Variants in DNAJC25 observed in about 807,000 individuals in gnomAD.
DNAJC25 encodes the protein DnaJ heat shock protein family (Hsp40) member C25, also known as dnaJ homolog subfamily C member 25.
In DNAJC25, 26 loss-of-function variants were observed where a neutral mutation model predicts 42.1. The observed-to-expected ratio is 0.62, with a 90% CI of 0.45 to 0.86. The LOEUF (loss-of-function observed/expected upper bound fraction) is 0.86. DNAJC25 is among the 40% of genes least tolerant of loss of function. The probability of loss-of-function intolerance (pLI) is 0.00; values close to 1 mark genes in which losing one functional copy is unlikely to be tolerated. For synonymous variants in DNAJC25, 189 were observed against 179.9 expected (o/e 1.05, Z -0.40); for missense variants, 404 against 459.4 (o/e 0.88, Z 1.10).
chr9:111,639,989 C>T (rs538041041), intron 1 of DNAJC25, among the ~76,000 whole-genome samples: 3 of 150,236 alleles, frequency 2.0e-5, no homozygotes, highest in African/African-American at 7.4e-5. Flanking sequence ...CATGCGGAGC[C>T]GAAGCTGGAC....
chr9:111,638,172 A>G (rs968506100), intron 1 of DNAJC25, among the ~76,000 whole-genome samples: 1 of 152,258 alleles, frequency 6.6e-6, no homozygotes, highest in Non-Finnish European at 1.5e-5. Context: ...TCTCACAAAT[A>G]CAGAATGAAC....
intron 1 of DNAJC25, among the ~76,000 whole-genome samples, chr9:111,641,322 C>G (rs1234555410): frequency 1.7e-4 from 24 of 144,550 alleles, no homozygotes; most frequent in African/African-American, 5.9e-4. Context: ...AGCCCCTCTG[C>G]CCGGCCAGCC....
intron 1 of DNAJC25, among the ~76,000 whole-genome samples, chr9:111,643,664 G>A (rs1300529715): frequency 6.6e-6 from 1 of 152,052 alleles, no homozygotes; most frequent in East Asian, 1.9e-4. Context: ...GGTAAGTTTG[G>A]ACCAGTTGTG....
chr9:111,652,803 T>TC (rs941887927), intron 3 of DNAJC25, among the ~76,000 whole-genome samples: 1 of 152,056 alleles, frequency 6.6e-6, no homozygotes, highest in African/African-American at 2.4e-5. Flanking sequence ...CGCCTTGGCC[T>TC]CCCAATGTGC....
chr9:111,633,919 A>G (rs1830326528), intron 1 of DNAJC25, among the ~76,000 whole-genome samples: 2 of 152,218 alleles, frequency 1.3e-5, no homozygotes, highest in South Asian at 4.1e-4. Context: ...AAAGACCAGT[A>G]TGTCTGGAGT....
chr9:111,651,614 C>T (rs1411364929), intron 3 of DNAJC25, among the ~76,000 whole-genome samples: 1 of 151,974 alleles, frequency 6.6e-6, no homozygotes. Context: ...AGGCTAGGTG[C>T]GGTGGCTCAT....
intron 1 of DNAJC25, among the ~76,000 whole-genome samples, chr9:111,633,914 C>T (rs1211655027): frequency 6.6e-6 from 1 of 152,156 alleles, no homozygotes; most frequent in Admixed American, 6.5e-5. Context: ...CAGTTAAAGA[C>T]CAGTATGTCT....
intron 1 of DNAJC25, among the ~76,000 whole-genome samples, chr9:111,645,875 C>T (rs951887890): frequency 4.6e-5 from 7 of 152,150 alleles, no homozygotes; most frequent in African/African-American, 1.7e-4. Context: ...TGATTTCCCA[C>T]CTGGGGAACA....
intron 1 of DNAJC25, among the ~76,000 whole-genome samples, chr9:111,639,327 A>T (rs1830410046): frequency 1.3e-5 from 2 of 152,270 alleles, no homozygotes; most frequent in Admixed American, 6.5e-5. Context: ...TGCTGATAGT[A>T]TTAACTGATA....
intron 1 of DNAJC25, among the ~76,000 whole-genome samples, chr9:111,641,593 C>CT (rs1830467899): frequency 1.6e-5 from 2 of 128,860 alleles, no homozygotes; most frequent in South Asian, 2.4e-4. Flanking sequence ...GTCGGCCCCC[C>CT]GCCCGGCCAG....
At chr9:111,634,416 C>CA (rs1830334173) in intron 1 of DNAJC25, among the ~76,000 whole-genome samples, 1 of 152,222 alleles carries the variant, frequency 6.6e-6, no homozygotes, top group Admixed American at 6.5e-5. Context: ...TGGAGGGCTT[C>CA]AGCCTTGCAC....
intron 3 of DNAJC25, among the ~76,000 whole-genome samples, chr9:111,651,005 A>G (rs1161888302): frequency 1.3e-5 from 2 of 152,090 alleles, no homozygotes; most frequent in African/African-American, 4.8e-5. Flanking sequence ...GGTGGCTCAC[A>G]CTTGTAATCC....
At chr9:111,644,237 G>A (rs916297990) in intron 1 of DNAJC25, among the ~76,000 whole-genome samples, 10 of 152,206 alleles carry the variant, frequency 6.6e-5, no homozygotes, top group Admixed American at 6.5e-4. Context: ...CAGGAATTTG[G>A]TAGTTTGAGG....
At chr9:111,637,193 A>G (rs1465302531) in intron 1 of DNAJC25, among the ~76,000 whole-genome samples, 2 of 152,126 alleles carry the variant, frequency 1.3e-5, no homozygotes, top group African/African-American at 4.8e-5. Flanking sequence ...GGGATCTGCT[A>G]TTTCTAGGTT....
intron 1 of DNAJC25, among the ~76,000 whole-genome samples, chr9:111,642,573 C>A: frequency 7.0e-6 from 1 of 143,180 alleles, no homozygotes; most frequent in African/African-American, 2.6e-5. Context: ...CCTGCCAAAT[C>A]CCCCTCTGTG....
rs1188363765 is a variant in DNAJC25, at chr9:111,631,731, C to T, written c.324C>T (p.Tyr108=). 3 of 1,519,726 alleles carry T rather than the reference C, an allele frequency of 2.0e-6. No homozygotes were observed. Among genetic ancestry groups the T allele is most frequent in the Non-Finnish European group, 1.8e-6 (2 of 1,139,748 alleles). The allele number at this position is 1,519,726 out of a possible 1,614,324, so 94.1% of individuals were successfully genotyped here. A position where few individuals can be genotyped will look rare whatever the true frequency, so the allele number is the denominator to read the frequency against. Residue 108 remains tyrosine (Y), a synonymous_variant, in exon 1 of 4, where the codon TAC becomes TAT. Coordinates refer to ENST00000313525, the MANE Select transcript of DNAJC25 (RefSeq NM_001015882.3). ...CTTTCCTGCTGGTGGCAACCGCCTA[C>T]GAGACACTCAAGGTGAGGCCTGCGG... ...EEAFLLVATA[Y]ETLKDEETRK... is the part of the protein sequence containing the mutation.
intron 1 of DNAJC25, among the ~76,000 whole-genome samples, chr9:111,645,563 T>C (rs1830557208): frequency 6.6e-6 from 1 of 152,182 alleles, no homozygotes; most frequent in South Asian, 2.1e-4. Flanking sequence ...CCCAAAATTC[T>C]TAATAGAAAA....
intron 1 of DNAJC25, among the ~76,000 whole-genome samples, chr9:111,632,293 C>CTTAT (rs1830295525): frequency 6.6e-6 from 1 of 152,066 alleles, no homozygotes; most frequent in African/African-American, 2.4e-5. Flanking sequence ...TGGATAGTGA[C>CTTAT]TTATTATGTT....
At chr9:111,646,071 CA>C (rs1190754953) in intron 1 of DNAJC25, among the ~76,000 whole-genome samples, 1 of 152,170 alleles carries the variant, frequency 6.6e-6, no homozygotes. Context: ...CCACACCTGG[CA>C]AAACAGACTT....
Sources: allele counts gnomAD v4.1 joint callset (sites outside exome capture counted in the v4.1 genomes callset), GRCh38; gene constraint gnomAD v4.1.1; transcripts MANE v1.5; gene names NCBI Gene and HGNC (gene_info 2026-07-23, HGNC 2026-07-21).